Variants in ARIH1 observed in about 807,000 individuals in gnomAD.
ARIH1 encodes the protein ariadne RBR E3 ubiquitin protein ligase 1.
A neutral mutation model predicts 85.0 loss-of-function variants in ARIH1; 8 were observed. The observed-to-expected ratio is 0.09, with a 90% CI of 0.06 to 0.17. ARIH1 has a LOEUF of 0.17. ARIH1 is among the 10% of genes least tolerant of loss of function. The probability of loss-of-function intolerance (pLI) is 1.00; values close to 1 mark genes in which losing one functional copy is unlikely to be tolerated. For missense variants in ARIH1, 311 were observed against 718.1 expected, an observed-to-expected ratio of 0.43 and a Z score of 6.48; for synonymous variants, 238 against 253.6, an observed-to-expected ratio of 0.94 and a Z score of 0.59.
intron 1 of ARIH1, among the ~76,000 whole-genome samples, chr15:72,504,301 C>T (rs535078904): frequency 3.3e-5 from 5 of 152,196 alleles, no homozygotes; most frequent in South Asian, 4.1e-4. Flanking sequence ...GTTAATCTGC[C>T]GTCTCAGCCT....
rs758395479 is a variant in ARIH1 at position 72,586,250 on chromosome 15, T to G, written c.*2958T>G. The G allele has an allele frequency of 1.4e-4, 21 of 152,182 alleles. No homozygotes were observed. The highest frequency in any genetic ancestry group is 6.5e-4 in the Admixed American group (10 of 15,268). 9.4% of individuals were successfully genotyped at this position (152,182 alleles called of 1,614,324 possible). A position where few individuals can be genotyped will look rare whatever the true frequency, so the allele number is the denominator to read the frequency against. On this transcript the variant is annotated 3_prime_UTR_variant, in exon 14 of 14. Transcript: ENST00000379887. ...TCATTTGAAATGGTTGAATCTGCTG[T>G]GTAATAAAGTGGTTCAACCATGATT... is the stretch of plus-strand genomic sequence containing the variant.
chr15:72,522,554 A>G (rs183247027), intron 2 of ARIH1, among the ~76,000 whole-genome samples: 175 of 152,074 alleles, frequency 1.2e-3, no homozygotes, highest in African/African-American at 4.1e-3. Flanking sequence ...AGAATGAGGT[A>G]AAAAAAAGGA....
intron 3 of ARIH1, among the ~76,000 whole-genome samples, chr15:72,549,339 T>G (rs565863908): frequency 6.6e-6 from 1 of 152,226 alleles, no homozygotes; most frequent in Admixed American, 6.5e-5. Context: ...CCACCCACCT[T>G]GACCTCCCAA....
rs138449183 is a variant in ARIH1 at position 72,546,514 on chromosome 15, C to T, written c.588+1550C>T. Among the ~76,000 whole-genome samples the T allele has an allele frequency of 3.2e-3, 481 of 152,032 alleles. 3 individuals carry two copies. Among genetic ancestry groups the T allele is most frequent in the African/African-American group, 0.011 (460 of 41,478 alleles). On this transcript the variant is annotated intron_variant, in intron 3 of 13. Coordinates refer to ENST00000379887, the MANE Select transcript of ARIH1 (RefSeq NM_005744.5). ...TCTTTTTTCTTTCTTTCTTTTGAGA[C>T]GGCCTTGCTCTGTTGTCTAGGCTGG...
chr15:72,525,396 AGATT>A (rs1451203310), intron 2 of ARIH1, among the ~76,000 whole-genome samples: 2 of 152,246 alleles, frequency 1.3e-5, no homozygotes, highest in African/African-American at 4.8e-5. Flanking sequence ...GTGATTTCTC[AGATT>A]GATTAAAGGT....
intron 1 of ARIH1, among the ~76,000 whole-genome samples, chr15:72,487,957 T>C (rs1288641965): frequency 6.6e-6 from 1 of 152,238 alleles, no homozygotes; most frequent in Non-Finnish European, 1.5e-5. Context: ...TGTAATTCTT[T>C]ACTGTGTAAC....
At chr15:72,567,890 T>C (rs1429515350) in intron 9 of ARIH1, among the ~76,000 whole-genome samples, 1 of 152,216 alleles carries the variant, frequency 6.6e-6, no homozygotes, top group Non-Finnish European at 1.5e-5. Context: ...CTTTAAAGAA[T>C]GCTGAGTTGT....
Position 72,545,072 on chromosome 15 carries a change from C to A in ARIH1, c.588+108C>A, listed in dbSNP as rs750016031. ...TTTGTGGGTCTGGGAGTAGTAACCT[C>A]TAAGCCATAACCTATCAATGTATTC... On this transcript the variant is annotated intron_variant, in intron 3 of 13. Transcript: ENST00000379887. 6.9e-6 allele frequency: 7 copies of A among 1,018,470 alleles called. No homozygotes were observed. In the Admixed American group the frequency reaches 9.4e-5, roughly 14 times the overall value. The allele number at this position is 1,018,470 out of a possible 1,614,324, so 63.1% of individuals were successfully genotyped here. A position where few individuals can be genotyped will look rare whatever the true frequency, so the allele number is the denominator to read the frequency against.
At chr15:72,567,786 T>C (rs567952150) in intron 9 of ARIH1, among the ~76,000 whole-genome samples, 1 of 152,324 alleles carries the variant, frequency 6.6e-6, no homozygotes, top group East Asian at 1.9e-4. Flanking sequence ...TTCAGTCCTA[T>C]CCTATCCCCA....
At chr15:72,500,640 G>C (rs2063898920) in intron 1 of ARIH1, among the ~76,000 whole-genome samples, 1 of 152,154 alleles carries the variant, frequency 6.6e-6, no homozygotes, top group Admixed American at 6.6e-5. Flanking sequence ...ATAAGTTATG[G>C]AAGAAAGATT....
Position 72,555,251 on chromosome 15 carries a change from A to C in ARIH1, c.589-20A>C, listed in dbSNP as rs780797243. 1 of 1,567,240 alleles carries C rather than the reference A, an allele frequency of 6.4e-7. No homozygotes were observed. The highest frequency in any genetic ancestry group is 1.1e-5 in the South Asian group (1 of 89,850). ...TTCTGATAATACCTTTGTTAAGTTCATGTTTTGTTTTTCTTACAGTATTTC... is the reference window on the plus strand; with the variant it reads ...TTCTGATAATACCTTTGTTAAGTTCCTGTTTTGTTTTTCTTACAGTATTTC... On this transcript the variant is annotated intron_variant, in intron 3 of 13. Coordinates refer to ENST00000379887, the MANE Select transcript of ARIH1 (RefSeq NM_005744.5).
chr15:72,491,058 G>A (rs1443491580), intron 1 of ARIH1, among the ~76,000 whole-genome samples: 1 of 152,188 alleles, frequency 6.6e-6, no homozygotes, highest in Non-Finnish European at 1.5e-5. Flanking sequence ...AGAGGTTGCA[G>A]TGAGCCGAGA....
At chr15:72,522,288 C>T (rs1016114886) in intron 2 of ARIH1, among the ~76,000 whole-genome samples, 1 of 152,164 alleles carries the variant, frequency 6.6e-6, no homozygotes, top group Non-Finnish European at 1.5e-5. Context: ...CCAGGGAAGG[C>T]AGCTCACATG....
intron 1 of ARIH1, among the ~76,000 whole-genome samples, chr15:72,505,949 T>C (rs919498854): frequency 6.6e-5 from 10 of 152,150 alleles, no homozygotes; most frequent in Non-Finnish European, 1.5e-4. Flanking sequence ...TTGGCCAGGC[T>C]GGTCTTGAAC....
At chr15:72,508,795 G>C (rs762817844) in intron 1 of ARIH1, among the ~76,000 whole-genome samples, 1 of 151,158 alleles carries the variant, frequency 6.6e-6, no homozygotes, top group Non-Finnish European at 1.5e-5. Flanking sequence ...CCGGGTTCAA[G>C]CAATTCTCCT....
At chr15:72,564,693 ATAAATT>A (rs1278674883) in intron 7 of ARIH1, among the ~76,000 whole-genome samples, 1 of 152,176 alleles carries the variant, frequency 6.6e-6, no homozygotes, top group Non-Finnish European at 1.5e-5. Flanking sequence ...TCTAAACAAC[ATAAATT>A]TATTTCTTAC....
At chr15:72,533,703 T>A (rs2064068353) in intron 2 of ARIH1, among the ~76,000 whole-genome samples, 1 of 152,126 alleles carries the variant, frequency 6.6e-6, no homozygotes, top group Admixed American at 6.5e-5. Flanking sequence ...GGCCAGGAGT[T>A]ACAGATCAGC....
intron 5 of ARIH1, among the ~76,000 whole-genome samples, chr15:72,559,529 C>T (rs1315531803): frequency 6.6e-6 from 1 of 152,126 alleles, no homozygotes; most frequent in Non-Finnish European, 1.5e-5. Flanking sequence ...CCTCTGCCTC[C>T]CAAAGTGCTA....
chr15:72,572,660 C>T (rs2064253994), intron 11 of ARIH1, among the ~76,000 whole-genome samples: 1 of 152,290 alleles, frequency 6.6e-6, no homozygotes, highest in Admixed American at 6.5e-5. Context: ...ATTTTCTTTT[C>T]ATTAATGTAG....
Sources: gnomAD v4.1 joint callset for allele counts (sites outside exome capture counted in the v4.1 genomes callset) on GRCh38, gnomAD v4.1.1 for gene constraint, MANE v1.5 for transcripts, NCBI Gene and HGNC (gene_info 2026-07-23, HGNC 2026-07-21) for gene names.